Variants in NOS1AP observed in about 807,000 individuals in gnomAD.
NOS1AP encodes the protein carboxyl-terminal PDZ ligand of neuronal nitric oxide synthase protein.
In NOS1AP, 21 loss-of-function variants were observed where a neutral mutation model predicts 56.2. The ratio of observed to expected loss-of-function variants is 0.37; its 90% CI spans 0.26 to 0.54. The LOEUF is 0.54. NOS1AP is among the 20% of genes least tolerant of loss of function. The pLI is 0.84. For missense variants in NOS1AP, 522 were observed against 657.8 expected, an observed-to-expected ratio of 0.79 and a Z score of 2.26; for synonymous variants, 270 against 274.6, an observed-to-expected ratio of 0.98 and a Z score of 0.17.
At chr1:162,114,661 G>A (rs536680175) in intron 1 of NOS1AP, among the ~76,000 whole-genome samples, 1 of 152,278 alleles carries the variant, frequency 6.6e-6, no homozygotes, top group Admixed American at 6.5e-5. Context: ...TGCCTTGGTT[G>A]TCCAGCCCCT....
intron 1 of NOS1AP, among the ~76,000 whole-genome samples, chr1:162,120,287 A>G (rs1648155427): frequency 1.3e-5 from 2 of 152,192 alleles, no homozygotes; most frequent in Admixed American, 1.3e-4. Context: ...ATAATGAAAA[A>G]TGGAAAGACA....
At chr1:162,146,807 A>G (rs1649480901) in intron 1 of NOS1AP, among the ~76,000 whole-genome samples, 1 of 152,228 alleles carries the variant, frequency 6.6e-6, no homozygotes, top group Non-Finnish European at 1.5e-5. Flanking sequence ...TTAACATCTT[A>G]CATTAGTATA....
rs547761127 is a variant in NOS1AP, at chr1:162,178,693, G to A, written c.177+24217G>A. 4.4e-4 allele frequency among the ~76,000 whole-genome samples: 67 copies of A among 152,278 alleles called. 1 individual carries two copies. The highest frequency in any genetic ancestry group is 6.8e-3 in the Middle Eastern group (2 of 294). On this transcript the variant is annotated intron_variant, in intron 2 of 9. Coordinates refer to ENST00000361897, the MANE Select transcript of NOS1AP (RefSeq NM_014697.3). Reference sequence around the variant, plus strand: ...GGTGGCATCCACCCAGCTAGAAAGGGCTCATCCAGAAGCACCTCGTTCAGC... The same window carrying A: ...GGTGGCATCCACCCAGCTAGAAAGGACTCATCCAGAAGCACCTCGTTCAGC...
At chr1:162,078,035 C>T (rs1298191849) in intron 1 of NOS1AP, among the ~76,000 whole-genome samples, 1 of 152,212 alleles carries the variant, frequency 6.6e-6, no homozygotes, top group Non-Finnish European at 1.5e-5. Flanking sequence ...ATTGGGCTCT[C>T]TGTGCCTGCT....
intron 2 of NOS1AP, among the ~76,000 whole-genome samples, chr1:162,272,646 T>C (rs913251624): frequency 6.6e-6 from 1 of 152,150 alleles, no homozygotes; most frequent in Non-Finnish European, 1.5e-5. Context: ...GTGCTCGTTA[T>C]TTATCTTGTC....
intron 4 of NOS1AP, among the ~76,000 whole-genome samples, chr1:162,326,868 G>A (rs1010111506): frequency 2.6e-5 from 4 of 152,212 alleles, no homozygotes; most frequent in African/African-American, 9.7e-5. Flanking sequence ...CATGGCCAGA[G>A]ACTGAAAGAG....
intron 2 of NOS1AP, among the ~76,000 whole-genome samples, chr1:162,187,258 C>T (rs2102151646): frequency 6.6e-6 from 1 of 152,326 alleles, no homozygotes; most frequent in East Asian, 1.9e-4. Context: ...TGAGCCACCA[C>T]ATTCAGCCAC....
intron 3 of NOS1AP, among the ~76,000 whole-genome samples, chr1:162,288,391 G>GA (rs1441508298): frequency 6.6e-6 from 1 of 152,200 alleles, no homozygotes; most frequent in Non-Finnish European, 1.5e-5. Flanking sequence ...AGCAGACCTT[G>GA]AATGTCGGGG....
At chr1:162,358,880 T>C (rs1328786838) in intron 8 of NOS1AP, among the ~76,000 whole-genome samples, 1 of 152,204 alleles carries the variant, frequency 6.6e-6, no homozygotes, top group African/African-American at 2.4e-5. Context: ...AGAGAGAAAC[T>C]ATTTGCAAAT....
At chr1:162,158,302 G>A (rs1310953141) in intron 2 of NOS1AP, among the ~76,000 whole-genome samples, 1 of 152,128 alleles carries the variant, frequency 6.6e-6, no homozygotes, top group South Asian at 2.1e-4. Flanking sequence ...GTTCATCCAT[G>A]TTGCAGTATG....
At chr1:162,178,227 C>T (rs1458618145) in intron 2 of NOS1AP, among the ~76,000 whole-genome samples, 3 of 152,108 alleles carry the variant, frequency 2.0e-5, no homozygotes, top group Non-Finnish European at 4.4e-5. Flanking sequence ...GGATACACCA[C>T]AGTTGATTTA....
chr1:162,140,593 T>A (rs1158984951), intron 1 of NOS1AP, among the ~76,000 whole-genome samples: 4 of 152,250 alleles, frequency 2.6e-5, no homozygotes, highest in Admixed American at 2.6e-4. Flanking sequence ...TTGTGAATAA[T>A]GCTGCAATGA....
chr1:162,202,142 G>A (rs1253457709), intron 2 of NOS1AP, among the ~76,000 whole-genome samples: 1 of 152,120 alleles, frequency 6.6e-6, no homozygotes, highest in African/African-American at 2.4e-5. Flanking sequence ...AACTCTAGGT[G>A]GAAGCTTTAT....
At chr1:162,130,284 TG>T (rs1648692930) in intron 1 of NOS1AP, among the ~76,000 whole-genome samples, 2 of 152,256 alleles carry the variant, frequency 1.3e-5, no homozygotes, top group African/African-American at 4.8e-5. Context: ...TCTCTCAGCC[TG>T]TAAGTGGCAG....
intron 1 of NOS1AP, among the ~76,000 whole-genome samples, chr1:162,122,723 G>A (rs1648291438): frequency 6.6e-6 from 1 of 152,010 alleles, no homozygotes; most frequent in South Asian, 2.1e-4. Context: ...GCCCCAGTTG[G>A]TCTTGAACTC....
intron 4 of NOS1AP, among the ~76,000 whole-genome samples, chr1:162,313,721 G>A (rs2819325): frequency 0.98 from 149,318 of 152,292 alleles, 73,274 homozygotes; most frequent in East Asian, 1. Context: ...AAAGCAGTCA[G>A]CCTGTGGGCT....
chr1:162,264,474 C>CCCTGTCCTCT (rs1557855394), intron 2 of NOS1AP, among the ~76,000 whole-genome samples: 1 of 3,702 alleles, frequency 2.7e-4, no homozygotes, highest in African/African-American at 2.2e-3. Context: ...TCCTCCCCTC[C>CCCTGTCCTCT]CCTCCCCTCC....
chr1:162,242,362 A>G (rs1276760073), intron 2 of NOS1AP, among the ~76,000 whole-genome samples: 3 of 152,206 alleles, frequency 2.0e-5, no homozygotes, highest in Non-Finnish European at 4.4e-5. Context: ...GCTAGGTCCA[A>G]AAAAATGGCC....
At chr1:162,169,311 C>T (rs1049953067) in intron 2 of NOS1AP, among the ~76,000 whole-genome samples, 3 of 152,228 alleles carry the variant, frequency 2.0e-5, no homozygotes, top group African/African-American at 7.2e-5. Flanking sequence ...TTGGCTTGCA[C>T]ATCTGGTCTT....
Sources: allele counts gnomAD v4.1 joint callset (sites outside exome capture counted in the v4.1 genomes callset), GRCh38; gene constraint gnomAD v4.1.1; transcripts MANE v1.5; gene names NCBI Gene and HGNC (gene_info 2026-07-23, HGNC 2026-07-21).